The following ABCC4 variants were observed in gnomAD, a reference collection of about 807,000 sequenced individuals.
ABCC4 encodes ATP binding cassette subfamily C member 4 (PEL blood group).
Under a neutral mutation model 168.5 loss-of-function variants are expected in ABCC4, and 102 were observed. The ratio of observed to expected loss-of-function variants is 0.61; its 90% CI spans 0.52 to 0.71. The LOEUF (loss-of-function observed/expected upper bound fraction) is 0.71, where lower values mean the gene tolerates loss of function less well. ABCC4 is among the 30% of genes least tolerant of loss of function. The pLI is 0.00. For missense variants in ABCC4, 1,402 were observed against 1,605.8 expected (o/e 0.87, Z 2.17); for synonymous variants, 617 against 590.7 (o/e 1.04, Z -0.65).
intron 14 of ABCC4, among the ~76,000 whole-genome samples, chr13:95,167,445 T>G (rs1404945785): frequency 1.3e-5 from 2 of 152,152 alleles, no homozygotes; most frequent in African/African-American, 4.8e-5. Flanking sequence ...GAGCAGCTCC[T>G]GGCTAAGGCA....
intron 1 of ABCC4, among the ~76,000 whole-genome samples, chr13:95,265,043 AT>A (rs924840326): frequency 6.6e-6 from 1 of 151,860 alleles, no homozygotes. Context: ...TAATTTTTGT[AT>A]TTTTAGCAGA....
intron 19 of ABCC4, among the ~76,000 whole-genome samples, chr13:95,147,002 T>G (rs2036520575): frequency 6.6e-6 from 1 of 152,232 alleles, no homozygotes. Context: ...TTTGACTTTC[T>G]TAAGCTCTTA....
chr13:95,218,989 GAGAA>G (rs1273439675), intron 4 of ABCC4, among the ~76,000 whole-genome samples: 2 of 63,742 alleles, frequency 3.1e-5, no homozygotes, highest in African/African-American at 5.4e-5. Flanking sequence ...AAGAAAGAGT[GAGAA>G]AGAAAGAAAG....
At chr13:95,084,620 G>A (rs139970389) in intron 20 of ABCC4, among the ~76,000 whole-genome samples, 3 of 152,118 alleles carry the variant, frequency 2.0e-5, no homozygotes, top group Middle Eastern at 3.4e-3. Context: ...AAGAAAACAA[G>A]TCAAAATGTC....
intron 8 of ABCC4, among the ~76,000 whole-genome samples, chr13:95,199,056 C>A (rs1367179054): frequency 6.6e-6 from 1 of 152,116 alleles, no homozygotes; most frequent in African/African-American, 2.4e-5. Context: ...AGCAAACCAC[C>A]ATGGCACATG....
At chr13:95,068,063 C>T (rs1000550048) in intron 25 of ABCC4, among the ~76,000 whole-genome samples, 32 of 152,052 alleles carry the variant, frequency 2.1e-4, no homozygotes, top group African/African-American at 7.5e-4. Context: ...TTATAATGTC[C>T]AGGAAATCTG....
intron 26 of ABCC4, among the ~76,000 whole-genome samples, chr13:95,060,475 G>A (rs769471471): frequency 1.3e-5 from 2 of 152,262 alleles, no homozygotes; most frequent in African/African-American, 2.4e-5. Context: ...TGCAGGGCAC[G>A]TTCCTAGAAC....
intron 26 of ABCC4, among the ~76,000 whole-genome samples, chr13:95,058,580 AAAAAAAAAAAAAGAAAAGAAAAAG>A (rs1171610219): frequency 7.3e-5 from 5 of 68,470 alleles, no homozygotes; most frequent in African/African-American, 2.5e-4. Context: ...AAAAAAAAAA[AAAAAAAAAAAAAGAAAAGAAAAAG>A]AAAAAGAAAA....
At chr13:95,254,965 C>A (rs1044713767) in intron 1 of ABCC4, among the ~76,000 whole-genome samples, 1 of 152,146 alleles carries the variant, frequency 6.6e-6, no homozygotes, top group Admixed American at 6.6e-5. Flanking sequence ...GTAAAAATTA[C>A]CTATTTTAAC....
chr13:95,192,090 A>G (rs991974452), intron 9 of ABCC4, among the ~76,000 whole-genome samples: 2 of 152,240 alleles, frequency 1.3e-5, no homozygotes, highest in Non-Finnish European at 2.9e-5. Flanking sequence ...TTCCCCATGG[A>G]GAGTCACAGG....
chr13:95,090,559 G>A lies in ABCC4; in HGVS notation c.2536-7269C>T, dbSNP rs189752066. On this transcript the variant is annotated intron_variant, in intron 20 of 30. Transcript: ENST00000645237. Reference sequence around the variant, plus strand: ...ACCGCGGTTCGGCTCACAGGAAGCCGTATCCACACCAAAAGGGAGAGAGTA... The same window carrying A: ...ACCGCGGTTCGGCTCACAGGAAGCCATATCCACACCAAAAGGGAGAGAGTA... 3.7e-3 allele frequency among the ~76,000 whole-genome samples: 564 copies of A among 152,208 alleles called. 4 individuals carry two copies. Among genetic ancestry groups the A allele is most frequent in the African/African-American group, 0.013 (544 of 41,536 alleles).
At chr13:95,248,513 A>AG (rs1004733361) in intron 1 of ABCC4, among the ~76,000 whole-genome samples, 18 of 152,308 alleles carry the variant, frequency 1.2e-4, no homozygotes, top group Non-Finnish European at 2.5e-4. Flanking sequence ...TACTAAAAAA[A>AG]AAGAAAAATC....
intron 29 of ABCC4, 65 bp downstream of exon 29, chr13:95,043,616 GA>G: frequency 7.3e-7 from 1 of 1,368,964 alleles, no homozygotes. Flanking sequence ...GTTTTACAAG[GA>G]AGGAATAAAC....
At chr13:95,239,257 T>C (rs946135224) in intron 3 of ABCC4, among the ~76,000 whole-genome samples, 10 of 152,000 alleles carry the variant, frequency 6.6e-5, no homozygotes, top group African/African-American at 1.9e-4. Context: ...AGTATGTTGA[T>C]ATCAAGAGCT....
At chr13:95,066,656 G>C (rs1438311196) in intron 25 of ABCC4, among the ~76,000 whole-genome samples, 1 of 152,180 alleles carries the variant, frequency 6.6e-6, no homozygotes, top group East Asian at 1.9e-4. Context: ...TTGCAAAAGA[G>C]AAAAATCGAG....
intron 19 of ABCC4, among the ~76,000 whole-genome samples, chr13:95,116,247 G>GA (rs1274561268): frequency 6.6e-6 from 1 of 152,008 alleles, no homozygotes; most frequent in Admixed American, 6.6e-5. Context: ...AGAATTAAGG[G>GA]AAAAAAATCT....
rs772669285 is a variant in ABCC4, at chr13:95,207,915, C to T, written c.796G>A (p.Ala266Thr). 1.2e-6 allele frequency: 2 copies of T among 1,613,712 alleles called. No individual in the cohort carries two copies. The highest frequency in any genetic ancestry group is 1.7e-6 in the Non-Finnish European group (2 of 1,179,934). ...KLFSSLRSKTATFTDARIRTM... is the reference protein window; with the variant it reads ...KLFSSLRSKTTTFTDARIRTM... Reference sequence around the variant, plus strand: ...CTGATCCTGGCATCCGTGAAAGTTGCAGTTTTACTCCTAAGGGGAACCAGA... The same window carrying T: ...CTGATCCTGGCATCCGTGAAAGTTGTAGTTTTACTCCTAAGGGGAACCAGA... The change falls in exon 7 of 31, where the codon GCA (alanine) becomes ACA (threonine). Residue 266 changes from alanine (A) to threonine (T), a missense_variant. Coordinates refer to ENST00000645237, the MANE Select transcript of ABCC4 (RefSeq NM_005845.5).
chr13:95,254,875 TTGC>T (rs1424133451), intron 1 of ABCC4, among the ~76,000 whole-genome samples: 1 of 152,170 alleles, frequency 6.6e-6, no homozygotes, highest in East Asian at 1.9e-4. Flanking sequence ...TCTGTGTTGT[TTGC>T]TGCTAAGCCA....
rs1436854877 is a variant in ABCC4, at chr13:95,151,139, T to C, written c.2455+10050A>G. 2.6e-5 allele frequency among the ~76,000 whole-genome samples: 4 copies of C among 152,212 alleles called. 1 individual carries two copies. The highest frequency in any genetic ancestry group is 9.6e-5 in the African/African-American group (4 of 41,452). On this transcript the variant is annotated intron_variant, in intron 19 of 30. Transcript: ENST00000645237. ...GCAGCTGCATTAATTTTAATATGCATCTTTTTGATATGAGATCATAGATTC... is the reference window on the plus strand; with the variant it reads ...GCAGCTGCATTAATTTTAATATGCACCTTTTTGATATGAGATCATAGATTC...
Sources: gnomAD v4.1 joint callset for allele counts (sites outside exome capture counted in the v4.1 genomes callset) on GRCh38, gnomAD v4.1.1 for gene constraint, MANE v1.5 for transcripts, NCBI Gene and HGNC (gene_info 2026-07-23, HGNC 2026-07-21) for gene names.